DCBLD2: variants seen among roughly 807,000 people sequenced by gnomAD.
The protein encoded by DCBLD2 is discoidin, CUB and LCCL domain containing 2, also known as discoidin, CUB and LCCL domain-containing protein 2.
A neutral mutation model predicts 86.8 loss-of-function variants in DCBLD2; 54 were observed. The observed-to-expected ratio is 0.62, with a 90% CI of 0.50 to 0.78. The LOEUF (loss-of-function observed/expected upper bound fraction) is 0.78, where lower values mean the gene tolerates loss of function less well. Ranked by LOEUF, DCBLD2 falls within the 30% of genes least tolerant of loss-of-function variation. The pLI, the probability that DCBLD2 is intolerant of heterozygous loss-of-function variation, is 0.00. For synonymous variants in DCBLD2, 354 were observed against 341.3 expected, an observed-to-expected ratio of 1.04 and a Z score of -0.41; for missense variants, 908 against 954.2, an observed-to-expected ratio of 0.95 and a Z score of 0.64.
intron 2 of DCBLD2, among the ~76,000 whole-genome samples, chr3:98,856,805 C>T (rs892610328): frequency 1.3e-5 from 2 of 151,700 alleles, no homozygotes; most frequent in Non-Finnish European, 2.9e-5. Context: ...CAAGGAATTA[C>T]AGATTCTAAC....
chr3:98,896,812 C>T (rs1943758144), intron 1 of DCBLD2, among the ~76,000 whole-genome samples: 1 of 152,176 alleles, frequency 6.6e-6, no homozygotes, highest in South Asian at 2.1e-4. Flanking sequence ...TTTCAACAAT[C>T]ACACTTAGCA....
chr3:98,886,568 G>A (rs188508214), intron 1 of DCBLD2, among the ~76,000 whole-genome samples: 6 of 151,836 alleles, frequency 4.0e-5, no homozygotes, highest in Admixed American at 2.6e-4. Flanking sequence ...CTTCCTCCTC[G>A]ACATGTTCTC....
chr3:98,870,747 AAGAAAGAAAGAAAGAAAG>A (rs1371077546), intron 2 of DCBLD2, among the ~76,000 whole-genome samples: 12 of 112,824 alleles, frequency 1.1e-4, no homozygotes, highest in Non-Finnish European at 2.2e-4. Flanking sequence ...AAAAGAAAGA[AAGAAAGAAAGAAAGAAAG>A]AAAGAAAGAA....
At chr3:98,832,409 T>C (rs1276708927) in intron 3 of DCBLD2, among the ~76,000 whole-genome samples, 1 of 152,198 alleles carries the variant, frequency 6.6e-6, no homozygotes, top group Non-Finnish European at 1.5e-5. Flanking sequence ...CTATGCCTTT[T>C]TAAATAGGGC....
chr3:98,862,157 C>G (rs1402267118), intron 2 of DCBLD2, among the ~76,000 whole-genome samples: 3 of 152,102 alleles, frequency 2.0e-5, no homozygotes, highest in Non-Finnish European at 4.4e-5. Context: ...TGCACACCCT[C>G]CCAAGACTAA....
At chr3:98,857,982 G>C (rs1942967813) in intron 2 of DCBLD2, among the ~76,000 whole-genome samples, 1 of 152,276 alleles carries the variant, frequency 6.6e-6, no homozygotes, top group Non-Finnish European at 1.5e-5. Context: ...GCACTCCTCA[G>C]CCCTTGGGTG....
At chr3:98,857,542 G>T (rs1009633506) in intron 2 of DCBLD2, among the ~76,000 whole-genome samples, 1 of 152,150 alleles carries the variant, frequency 6.6e-6, no homozygotes, top group African/African-American at 2.4e-5. Flanking sequence ...CCCTGAGCTA[G>T]ACACAAAAGT....
At chr3:98,819,564 A>C in intron 7 of DCBLD2, 147 bp from the exon 8 acceptor site, 1 of 798,190 alleles carries the variant, frequency 1.3e-6, no homozygotes, top group Non-Finnish European at 2.0e-6. Context: ...AAAACTAGGC[A>C]AGTGTTTCTT....
At chr3:98,846,637 T>A (rs983521718) in intron 3 of DCBLD2, among the ~76,000 whole-genome samples, 1 of 152,224 alleles carries the variant, frequency 6.6e-6, no homozygotes, top group Non-Finnish European at 1.5e-5. Flanking sequence ...ATTATGACTT[T>A]GGAAAGTTTT....
At chr3:98,831,615 G>A (rs1310129907) in intron 3 of DCBLD2, among the ~76,000 whole-genome samples, 1 of 152,104 alleles carries the variant, frequency 6.6e-6, no homozygotes, top group African/African-American at 2.4e-5. Context: ...TTGTAACAAT[G>A]CCTTAGCTGC....
chr3:98,857,641 T>C (rs1180261048), intron 2 of DCBLD2, among the ~76,000 whole-genome samples: 1 of 152,174 alleles, frequency 6.6e-6, no homozygotes, highest in African/African-American at 2.4e-5. Flanking sequence ...CTGATTGGTG[T>C]GTTTACAAAC....
Position 98,819,212 on chromosome 3 carries a change from C to A in DCBLD2, c.1077G>T (p.Lys359Asn), listed in dbSNP as rs769625584. Residue 359 changes from lysine (K) to asparagine (N), a missense_variant, in exon 8 of 16, where the codon AAG becomes AAT. Physicochemically the swap from Lys to Asn is moderately conservative, Grantham distance 94. Transcript: ENST00000326840. ...TTTTTGTCTCTTAACCTGTTATTTT[C>A]TTTTCCTTATTCAAATCTATTTGTA... The part of the protein sequence containing the change: ...QWLQIDLNKE[K>N]KITGIITTGS... The A allele has an allele frequency of 1.3e-6, 2 of 1,565,222 alleles. No homozygotes were observed. Among genetic ancestry groups the A allele is most frequent in the South Asian group, 2.3e-5 (2 of 85,568 alleles).
At chr3:98,879,283 T>A (rs1943420482) in intron 2 of DCBLD2, among the ~76,000 whole-genome samples, 1 of 152,242 alleles carries the variant, frequency 6.6e-6, no homozygotes, top group South Asian at 2.1e-4. Context: ...AACTTGAGAA[T>A]GTCTCTAACA....
intron 1 of DCBLD2, chr3:98,900,829 C>A: frequency 2.2e-6 from 1 of 460,924 alleles, no homozygotes. Context: ...CTTTTTCCTC[C>A]CCAAAATTTT....
chr3:98,830,537 A>G (rs898853988), intron 3 of DCBLD2, among the ~76,000 whole-genome samples: 14 of 152,204 alleles, frequency 9.2e-5, no homozygotes, highest in African/African-American at 3.1e-4. Flanking sequence ...GTCGAAGATC[A>G]GGTGGTTGCA....
intron 13 of DCBLD2, chr3:98,805,008 G>A (rs1008571906): frequency 6.6e-5 from 10 of 152,202 alleles, no homozygotes; most frequent in African/African-American, 2.4e-4. Context: ...GAATTTGCGT[G>A]TCATCCTTGC....
rs533583837 is a variant in DCBLD2 at position 98,859,128 on chromosome 3, G to A, written c.434-9530C>T. ...CTACGCCAACGGAGGCTCACTCATTGCTAGCACAGCAGTCTGGGATTGAAC... is the reference window on the plus strand; with the variant it reads ...CTACGCCAACGGAGGCTCACTCATTACTAGCACAGCAGTCTGGGATTGAAC... On this transcript the variant is annotated intron_variant, in intron 2 of 15. Coordinates refer to ENST00000326840, the MANE Select transcript of DCBLD2 (RefSeq NM_080927.4). Among the ~76,000 whole-genome samples the A allele has an allele frequency of 3.9e-5, 6 of 152,306 alleles. No individual in the cohort carries two copies. The South Asian group carries it at 1.2e-3, about 32-fold the overall frequency.
chr3:98,867,578 A>G (rs1202193462), intron 2 of DCBLD2, among the ~76,000 whole-genome samples: 1 of 152,236 alleles, frequency 6.6e-6, no homozygotes, highest in African/African-American at 2.4e-5. Flanking sequence ...TCCACTGGGT[A>G]CCAGTGAAAA....
intron 4 of DCBLD2, among the ~76,000 whole-genome samples, chr3:98,823,759 T>G (rs1285461668): frequency 6.6e-6 from 1 of 152,214 alleles, no homozygotes; most frequent in Non-Finnish European, 1.5e-5. Flanking sequence ...ATATAAGAAC[T>G]CTATGGAGGA....
Sources: allele counts gnomAD v4.1 joint callset (sites outside exome capture counted in the v4.1 genomes callset), GRCh38; gene constraint gnomAD v4.1.1; transcripts MANE v1.5; gene names NCBI Gene and HGNC (gene_info 2026-07-23, HGNC 2026-07-21).